LRRC34: variants seen among roughly 807,000 people sequenced by gnomAD.
LRRC34 encodes leucine-rich repeat-containing protein 34.
LRRC34 carries 44 observed loss-of-function variants against 48.5 expected under a neutral mutation model. The observed-to-expected ratio is 0.91, with a 90% CI of 0.71 to 1.17. LRRC34 has a LOEUF of 1.17. Among genes scored for constraint, LRRC34 ranks in the 50% most tolerant of loss-of-function variants. The pLI is 0.00. For missense variants in LRRC34, 502 were observed against 563.0 expected (o/e 0.89, Z 1.10); for synonymous variants, 192 against 197.6 (o/e 0.97, Z 0.24).
Position 169,806,916 on chromosome 3 carries a change from T to A in LRRC34, c.460A>T (p.Ile154Phe). 1 of 1,599,720 alleles carries A rather than the reference T, an allele frequency of 6.3e-7. No individual in the cohort carries two copies. Among genetic ancestry groups the A allele is most frequent in the Non-Finnish European group, 8.6e-7 (1 of 1,169,140 alleles). Residue 154 changes from isoleucine to phenylalanine, a missense_variant, in exon 5 of 11, where the codon ATT (isoleucine) becomes TTT (phenylalanine). Ile to Phe is a conservative substitution (Grantham distance 21). Transcript: ENST00000446859. ...TCATTAAACATGAGGTTTAAGTAAA[T>A]GAGATTAAGTTGTTTCTATAAGAGA... ...AKLLQKQLNL[I>F]YLNLMFNDIG... is the part of the protein sequence containing the mutation.
In LRRC34 at chr3:169,796,798, C is replaced by CTG; in HGVS notation, c.853_854dup (p.Gln285HisfsTer9). 6.2e-7 allele frequency: 1 copy of CTG among 1,611,286 alleles called. No homozygotes were observed. On this transcript the variant is annotated frameshift_variant, in exon 8 of 11. Coordinates refer to ENST00000446859, the MANE Select transcript of LRRC34 (RefSeq NM_001172779.2). LOFTEE classifies it high-confidence loss of function. ...TGTTCAGATACAGTGCATCACATAA[C>CTG]TGTTGTATACCACTGTTTTTTATAT... is the stretch of plus-strand genomic sequence containing the variant.
intron 6 of LRRC34, among the ~76,000 whole-genome samples, chr3:169,801,319 T>C (rs1446404208): frequency 6.6e-6 from 1 of 152,140 alleles, no homozygotes. Flanking sequence ...TCCCATCCAG[T>C]TGATCACTAA....
rs1353549387 is a variant in LRRC34, at chr3:169,804,033, C to G, written c.657+20G>C. ...AATGACCCACTATCTGGATGATTTTCTCATAACCAGTTTACTCACCAGATC... is the reference window on the plus strand; with the variant it reads ...AATGACCCACTATCTGGATGATTTTGTCATAACCAGTTTACTCACCAGATC... On this transcript the variant is annotated intron_variant, in intron 6 of 10. Coordinates refer to ENST00000446859, the MANE Select transcript of LRRC34 (RefSeq NM_001172779.2). The G allele has an allele frequency of 6.5e-7, 1 of 1,546,388 alleles. No homozygotes were observed. Among genetic ancestry groups the G allele is most frequent in the Admixed American group, 2.0e-5 (1 of 50,590 alleles).
chr3:169,799,586 G>T (rs953677234), intron 7 of LRRC34, among the ~76,000 whole-genome samples: 1 of 152,218 alleles, frequency 6.6e-6, no homozygotes, highest in South Asian at 2.1e-4. Flanking sequence ...GAGGCCAGGA[G>T]GTGGAGGCTG....
chr3:169,811,518 A>G (rs1276351550), intron 1 of LRRC34, among the ~76,000 whole-genome samples: 2 of 152,224 alleles, frequency 1.3e-5, no homozygotes, highest in African/African-American at 2.4e-5. Flanking sequence ...TTCAAATTGT[A>G]AAGCAAAAAC....
chr3:169,806,946 A>G lies in LRRC34; in HGVS notation c.445-15T>C, dbSNP rs779292224. 4 of 1,459,798 alleles carry G rather than the reference A, an allele frequency of 2.7e-6. No individual in the cohort carries two copies. The East Asian group carries it at 9.1e-5, about 33-fold the overall frequency. The allele number at this position is 1,459,798 out of a possible 1,614,324, so 90.4% of individuals were successfully genotyped here. A position where few individuals can be genotyped will look rare whatever the true frequency, so the allele number is the denominator to read the frequency against. On this transcript the variant is annotated splice_polypyrimidine_tract_variant and intron_variant, in intron 4 of 10. Transcript: ENST00000446859. ...TTAAGTTGTTTCTATAAGAGAAAAG[A>G]AGCTATTACACATTATTATTATTGG...
rs886984265 is a variant in LRRC34 at position 169,807,810 on chromosome 3, A to G, written c.258-101T>C. 9.3e-6 allele frequency: 12 copies of G among 1,286,860 alleles called. No homozygotes were observed. In the East Asian group the frequency reaches 2.8e-4, roughly 30 times the overall value. The allele number at this position is 1,286,860 out of a possible 1,614,324, so 79.7% of individuals were successfully genotyped here. ...TCCTTCATGTATAAATAGTCATATCACAGATATCATTTACTGGAAGCAAGC... is the reference window on the plus strand; with the variant it reads ...TCCTTCATGTATAAATAGTCATATCGCAGATATCATTTACTGGAAGCAAGC... On this transcript the variant is annotated intron_variant, in intron 2 of 10. Coordinates refer to ENST00000446859, the MANE Select transcript of LRRC34 (RefSeq NM_001172779.2).
chr3:169,800,165 G>A (rs1449851648), intron 7 of LRRC34, among the ~76,000 whole-genome samples: 1 of 152,106 alleles, frequency 6.6e-6, no homozygotes, highest in African/African-American at 2.4e-5. Context: ...CCACCCAGAA[G>A]GAGAAAGAAG....
At chr3:169,799,889 T>C (rs958640098) in intron 7 of LRRC34, among the ~76,000 whole-genome samples, 5 of 152,116 alleles carry the variant, frequency 3.3e-5, no homozygotes, top group African/African-American at 1.2e-4. Context: ...ATTTTTGTAC[T>C]TTTAGTAGAG....
At chr3:169,796,073 T>C in intron 9 of LRRC34, 141 bp downstream of exon 9, 1 of 1,320,128 alleles carries the variant, frequency 7.6e-7, no homozygotes, top group South Asian at 2.2e-5. Context: ...GAAATGTAAA[T>C]GTTTACTGTA....
intron 10 of LRRC34, chr3:169,794,527 C>T (rs1304659463): frequency 6.6e-6 from 1 of 152,330 alleles, no homozygotes; most frequent in Non-Finnish European, 1.5e-5. Flanking sequence ...ATTCTCCTGC[C>T]TCAGCCTCCC....
intron 8 of LRRC34, 63 bp from the exon 9 acceptor site, chr3:169,796,432 G>A (rs1778991981): frequency 7.2e-6 from 11 of 1,530,680 alleles, no homozygotes; most frequent in Non-Finnish European, 9.7e-6. Context: ...ATAGTGATAA[G>A]ATGCTTGAAA....
intron 6 of LRRC34, among the ~76,000 whole-genome samples, chr3:169,803,597 A>AATTTTTGT (rs1193845165): frequency 3.3e-5 from 5 of 152,116 alleles, no homozygotes; most frequent in African/African-American, 1.2e-4. Context: ...GGCCCCGACT[A>AATTTTTGT]ATTTTTGTAT....
intron 1 of LRRC34, among the ~76,000 whole-genome samples, chr3:169,810,680 A>G (rs1293596816): frequency 6.6e-6 from 1 of 152,244 alleles, no homozygotes; most frequent in African/African-American, 2.4e-5. Context: ...ACTAAAATAA[A>G]CAAAACTATA....
intron 5 of LRRC34, among the ~76,000 whole-genome samples, chr3:169,804,948 C>T (rs577826473): frequency 6.6e-6 from 1 of 152,348 alleles, no homozygotes; most frequent in African/African-American, 2.4e-5. Flanking sequence ...TAACCAGTCA[C>T]TCCCCATTCC....
Position 169,812,506 on chromosome 3 carries a change from C to T in LRRC34, c.43G>A (p.Gly15Arg). 6.6e-7 allele frequency: 1 copy of T among 1,526,410 alleles called. No individual in the cohort carries two copies. The highest frequency in any genetic ancestry group is 8.7e-7 in the Non-Finnish European group (1 of 1,143,114). The allele number at this position is 1,526,410 out of a possible 1,614,324, so 94.6% of individuals were successfully genotyped here. A position where few individuals can be genotyped will look rare whatever the true frequency, so the allele number is the denominator to read the frequency against. ...PPRPVGERSM[G>R]SSREAARAPA... The stretch of plus-strand genomic sequence containing the variant: ...GCACGGGCGGCCTCCCGGGAGCTCC[C>T]CATGCTCCTCTCACCCACTGGCCGC... The change falls in exon 1 of 11, where the codon GGG becomes AGG. Residue 15 changes from glycine to arginine, a missense_variant. Coordinates refer to ENST00000446859, the MANE Select transcript of LRRC34 (RefSeq NM_001172779.2). This position sits in a 1 kb window ranked among gnomAD's most constrained non-coding sequence, Gnocchi z 4.3.
intron 7 of LRRC34, among the ~76,000 whole-genome samples, chr3:169,798,364 C>T (rs911005233): frequency 6.6e-6 from 1 of 152,132 alleles, no homozygotes; most frequent in African/African-American, 2.4e-5. Flanking sequence ...TCAAGCTCCC[C>T]GGATAATGCC....
chr3:169,793,608 T>C lies in LRRC34; in HGVS notation c.*27A>G. 6.7e-7 allele frequency: 1 copy of C among 1,498,248 alleles called. No homozygotes were observed. Among genetic ancestry groups the C allele is most frequent in the Non-Finnish European group, 9.3e-7 (1 of 1,079,612 alleles). 92.8% of individuals were successfully genotyped at this position (1,498,248 alleles called of 1,614,324 possible). A position where few individuals can be genotyped will look rare whatever the true frequency, so the allele number is the denominator to read the frequency against. On this transcript the variant is annotated 3_prime_UTR_variant, in exon 11 of 11. Coordinates refer to ENST00000446859, the MANE Select transcript of LRRC34 (RefSeq NM_001172779.2). ...TCTCTGTGAAACAATAAGACAAGTG[T>C]ATGAAAATTATTTTACAGCTACTTT...
chr3:169,800,481 C>T (rs1560598236), intron 7 of LRRC34, among the ~76,000 whole-genome samples, 178 bp downstream of exon 7: 1 of 152,120 alleles, frequency 6.6e-6, no homozygotes, highest in Non-Finnish European at 1.5e-5. Context: ...TAGTTATAAA[C>T]GTCTTACCAA....
Sources: gnomAD v4.1 joint callset for allele counts (sites outside exome capture counted in the v4.1 genomes callset) on GRCh38, gnomAD v4.1.1 for gene constraint, Gnocchi (gnomAD v3.1) non-coding constraint, MANE v1.5 for transcripts, NCBI Gene and HGNC (gene_info 2026-07-23, HGNC 2026-07-21) for gene names.